The following DMD variants were observed in gnomAD, a reference collection of about 807,000 sequenced individuals.
The protein encoded by DMD is mutant dystrophin.
A neutral mutation model predicts 330.1 loss-of-function variants in DMD; 63 were observed. The observed-to-expected ratio is 0.19, with a 90% CI of 0.16 to 0.24. DMD has a LOEUF of 0.24. Ranked by LOEUF, DMD falls within the 10% of genes least tolerant of loss-of-function variation. The pLI, the probability that DMD is intolerant of heterozygous loss-of-function variation, is 1.00. For missense variants in DMD, 3,344 were observed against 2,684.1 expected (o/e 1.25, Z -5.43); for synonymous variants, 1,223 against 959.8 (o/e 1.27, Z -5.07).
chrX:32,801,669 T>C (rs1298894659), intron 7 of DMD, among the ~76,000 whole-genome samples: 1 of 112,152 alleles, frequency 8.9e-6, no homozygotes, highest in Non-Finnish European at 1.9e-5. Flanking sequence ...TTAATCCATC[T>C]TGAGTTAATT....
intron 47 of DMD, among the ~76,000 whole-genome samples, chrX:31,907,130 G>A (rs114308192): frequency 0.031 from 3,426 of 111,929 alleles, 142 homozygotes; most frequent in African/African-American, 0.11. Context: ...GGGTCTCCCA[G>A]TAGCAAACCC....
intron 62 of DMD, among the ~76,000 whole-genome samples, chrX:31,270,490 T>A (rs1209048564): frequency 8.9e-6 from 1 of 111,776 alleles, no homozygotes; most frequent in Non-Finnish European, 1.9e-5. Flanking sequence ...CTTTTGAGGG[T>A]AAAGGCATAT....
At chrX:32,277,264 G>C (rs331341) in intron 43 of DMD, among the ~76,000 whole-genome samples, 9 of 110,649 alleles carry the variant, frequency 8.1e-5, no homozygotes, top group African/African-American at 3.0e-4. Context: ...CTCAACACTG[G>C]AGTATATATA....
chrX:31,959,780 T>G (rs1377910662), intron 45 of DMD, among the ~76,000 whole-genome samples: 9 of 103,647 alleles, frequency 8.7e-5, no homozygotes, highest in African/African-American at 2.8e-4. Flanking sequence ...TTTTTTTTTT[T>G]TTTTTTTTTT....
chrX:31,904,899 TAATAC>T (rs2094461130), intron 47 of DMD, among the ~76,000 whole-genome samples: 2 of 112,111 alleles, frequency 1.8e-5, no homozygotes, highest in African/African-American at 6.5e-5. Flanking sequence ...AATAGACAAC[TAATAC>T]ATAATATTAT....
intron 60 of DMD, among the ~76,000 whole-genome samples, chrX:31,354,486 T>C (rs1017813647): frequency 9.0e-6 from 1 of 111,456 alleles, no homozygotes; most frequent in Non-Finnish European, 1.9e-5. Context: ...CCTATAATAC[T>C]AGATTTAAAA....
chrX:31,180,271 G>C (rs913368899), intron 69 of DMD, 99 bp downstream of exon 69: 5 of 628,859 alleles, frequency 8.0e-6, no homozygotes, highest in Non-Finnish European at 1.3e-5. Context: ...ATCTGGGGAA[G>C]TGACAAATCA....
intron 60 of DMD, among the ~76,000 whole-genome samples, chrX:31,433,896 C>CTTAT (rs1315315935): frequency 8.9e-6 from 1 of 111,757 alleles, no homozygotes; most frequent in East Asian, 2.8e-4. Flanking sequence ...TAACTTTCTG[C>CTTAT]TTATTTTTAT....
At chrX:32,284,428 T>C (rs2097431865) in intron 43 of DMD, among the ~76,000 whole-genome samples, 1 of 111,917 alleles carries the variant, frequency 8.9e-6, no homozygotes, top group Non-Finnish European at 1.9e-5. Flanking sequence ...AGTCTAATTC[T>C]TCTCTCTGTA....
chrX:31,749,593 T>G (rs1386854741), intron 51 of DMD, among the ~76,000 whole-genome samples: 3 of 110,642 alleles, frequency 2.7e-5, no homozygotes, highest in African/African-American at 3.3e-5. Flanking sequence ...AAATAGTGCC[T>G]CAATAAACAT....
In DMD at chrX:32,815,520, T is replaced by TATACAC; in HGVS notation, c.530+947_530+948insGTGTAT. Among the ~76,000 whole-genome samples, 163 of 78,911 alleles carry TATACAC rather than the reference T, an allele frequency of 2.1e-3. 1 individual carries two copies. The highest frequency in any genetic ancestry group is 5.6e-3 in the African/African-American group (105 of 18,852). 68.5% of individuals were successfully genotyped at this position (78,911 alleles called of 115,157 possible). A position where few individuals can be genotyped will look rare whatever the true frequency, so the allele number is the denominator to read the frequency against. On this transcript the variant is annotated intron_variant, in intron 6 of 78. Transcript: ENST00000357033. Reference sequence around the variant, plus strand: ...ATATATATATATATATATATATATATACACACACACACACACATATATATA... The same window carrying TATACAC: ...ATATATATATATATATATATATATATATACACACACACACACACACACATATATATA...
At chrX:31,702,851 A>G (rs1260486046) in intron 52 of DMD, among the ~76,000 whole-genome samples, 1 of 103,334 alleles carries the variant, frequency 9.7e-6, no homozygotes, top group Non-Finnish European at 2.0e-5. Flanking sequence ...TAGTCAGAGA[A>G]GTCTTTTTTT....
chrX:32,646,518 G>T (rs780005760), intron 9 of DMD, among the ~76,000 whole-genome samples: 1 of 111,099 alleles, frequency 9.0e-6, no homozygotes, highest in East Asian at 2.8e-4. Flanking sequence ...TTTTGTAAAG[G>T]AATCAAAAAG....
At chrX:31,917,836 G>A (rs4521910) in intron 47 of DMD, among the ~76,000 whole-genome samples, 40,378 of 111,104 alleles carry the variant, frequency 0.36, 6,529 homozygotes, top group African/African-American at 0.63. Context: ...CCATTCTATC[G>A]CAGGGCACAG....
chrX:33,338,700 G>A (rs1216897074), intron 1 of DMD, among the ~76,000 whole-genome samples: 1 of 110,899 alleles, frequency 9.0e-6, no homozygotes, highest in African/African-American at 3.3e-5. Flanking sequence ...AACCCTGCAG[G>A]AGATATTGAT....
intron 44 of DMD, among the ~76,000 whole-genome samples, chrX:32,122,795 T>C (rs28639880): frequency 4.4e-4 from 49 of 111,318 alleles, no homozygotes; most frequent in Admixed American, 3.6e-3. Context: ...AAAACTACTC[T>C]GACAGACTTC....
chrX:32,520,689 T>A (rs754456758), intron 17 of DMD, among the ~76,000 whole-genome samples: 1 of 111,712 alleles, frequency 9.0e-6, no homozygotes, highest in African/African-American at 3.3e-5. Context: ...TATTGGCTGC[T>A]TTATTTTTCT....
rs187720760 is a variant in DMD at position 33,196,345 on chromosome X, A to G, written c.31+14937T>C. Reference sequence around the variant, plus strand: ...AGACATGAGCAGATGCCATACTGTGAAAGACCTTGTACGTTAGGACCTTGG... The same window carrying G: ...AGACATGAGCAGATGCCATACTGTGGAAGACCTTGTACGTTAGGACCTTGG... On this transcript the variant is annotated intron_variant, in intron 1 of 78. Transcript: ENST00000357033. 1.3e-4 allele frequency among the ~76,000 whole-genome samples: 14 copies of G among 111,524 alleles called. 1 individual carries two copies. In the East Asian group the frequency reaches 4.0e-3, roughly 32 times the overall value.
chrX:32,455,308 T>A (rs1416242129), intron 25 of DMD, among the ~76,000 whole-genome samples: 1 of 111,379 alleles, frequency 9.0e-6, no homozygotes, highest in Non-Finnish European at 1.9e-5. Context: ...AAAACGTAGT[T>A]TGGCAATTCA....
Sources: allele counts gnomAD v4.1 joint callset (sites outside exome capture counted in the v4.1 genomes callset), GRCh38; gene constraint gnomAD v4.1.1; transcripts MANE v1.5; gene names NCBI Gene and HGNC (gene_info 2026-07-23, HGNC 2026-07-21).